TMEM165: variants seen among roughly 807,000 people sequenced by gnomAD.
TMEM165 encodes transmembrane protein 165.
In TMEM165, 19 loss-of-function variants were observed where a neutral mutation model predicts 30.0. The ratio of observed to expected loss-of-function variants is 0.63; its 90% CI spans 0.44 to 0.93. TMEM165 has a LOEUF of 0.93. Ranked by LOEUF, TMEM165 falls within the 40% of genes least tolerant of loss-of-function variation. The pLI, the probability that TMEM165 is intolerant of heterozygous loss-of-function variation, is 0.00. For synonymous variants in TMEM165, 168 were observed against 162.9 expected (o/e 1.03, Z -0.24); for missense variants, 340 against 417.0 (o/e 0.82, Z 1.61).
chr4:55,406,877 G>A (rs1721292774), intron 1 of TMEM165, among the ~76,000 whole-genome samples: 1 of 152,102 alleles, frequency 6.6e-6, no homozygotes, highest in South Asian at 2.1e-4. Context: ...GCCCAGGCTG[G>A]TCTTGAACTC....
chr4:55,445,505 A>G (rs1723735012), intron 3 of TMEM165, among the ~76,000 whole-genome samples: 1 of 151,242 alleles, frequency 6.6e-6, no homozygotes, highest in Admixed American at 6.6e-5. Flanking sequence ...GGAGTCTTCT[A>G]AGTATGTTCC....
At chr4:55,435,308 C>A in intron 3 of TMEM165, 1 of 1,287,962 alleles carries the variant, frequency 7.8e-7, no homozygotes, top group South Asian at 1.2e-5. Flanking sequence ...CTCAATACTG[C>A]ATCTCATGAA....
intron 2 of TMEM165, 190 bp downstream of exon 2, chr4:55,412,029 A>C: frequency 1.6e-6 from 1 of 636,972 alleles, no homozygotes; most frequent in Non-Finnish European, 2.8e-6. Flanking sequence ...CCCCTCTCGC[A>C]TAGTTGTCTG....
intron 3 of TMEM165, chr4:55,450,257 G>A (rs557067405): frequency 8.1e-6 from 13 of 1,613,430 alleles, no homozygotes; most frequent in East Asian, 6.7e-5. Flanking sequence ...TAAAATAAAT[G>A]TTTTCTTGTG....
At position 55,411,719 on chromosome 4, in the gene TMEM165, A is replaced by G; in HGVS notation, c.313A>G (p.Ile105Val). The change falls in exon 2 of 6, where the codon ATT (isoleucine) becomes GTT (valine). Residue 105 changes from isoleucine (I) to valine (V), a missense_variant. Ile to Val is a conservative substitution (Grantham distance 29). This residue lies in a region of TMEM165 where 220 missense variants were observed against 307.6 expected (regional missense o/e 0.72). Transcript: ENST00000381334. Reference sequence around the variant, plus strand: ...ATTTGTCGCTGCCATATCAGTTATTATTGTATCTGAATTGGGTGATAAGAC... The same window carrying G: ...ATTTGTCGCTGCCATATCAGTTATTGTTGTATCTGAATTGGGTGATAAGAC... Reference protein sequence around the residue: ...HAFVAAISVIIVSELGDKTFF... With the variant: ...HAFVAAISVIVVSELGDKTFF... The G allele has an allele frequency of 6.2e-7, 1 of 1,614,142 alleles. No homozygotes were observed. Among genetic ancestry groups the G allele is most frequent in the South Asian group, 1.1e-5 (1 of 91,082 alleles).
intron 4 of TMEM165, among the ~76,000 whole-genome samples, chr4:55,418,799 C>G (rs1721846035): frequency 6.6e-6 from 1 of 152,080 alleles, no homozygotes; most frequent in Admixed American, 6.5e-5. Context: ...GTAATCCCAG[C>G]ACTTTAGGAG....
downstream of TMEM165, chr4:55,430,575 T>C (rs1489760299): frequency 6.6e-6 from 1 of 152,206 alleles, no homozygotes; most frequent in African/African-American, 2.4e-5. Context: ...ATTATACTAT[T>C]TTTTTCCTTT....
intron 3 of TMEM165, among the ~76,000 whole-genome samples, chr4:55,446,100 T>A (rs1224960732): frequency 5.2e-5 from 5 of 95,264 alleles, no homozygotes; most frequent in Non-Finnish European, 1.0e-4. Context: ...AAATTTAACT[T>A]CTTTTTTTTT....
At chr4:55,397,777 C>T (rs1474461735) in intron 1 of TMEM165, among the ~76,000 whole-genome samples, 1 of 151,738 alleles carries the variant, frequency 6.6e-6, no homozygotes, top group Non-Finnish European at 1.5e-5. Flanking sequence ...GACAGGGTCT[C>T]GCTCTGTCGC....
rs2109705809 is a variant in TMEM165 at position 55,445,271 on chromosome 4, C to G, written c.409-6968C>G. Among the ~76,000 whole-genome samples the G allele has an allele frequency of 2.9e-5, 2 of 68,182 alleles. 1 individual carries two copies. The highest frequency in any genetic ancestry group is 1.3e-3 in the South Asian group (2 of 1,504). The allele number at this position is 68,182 out of a possible 152,430, so 44.7% of individuals were successfully genotyped here. ...GAAGGACATTTCTCACTTTTACATA[C>G]ACCTGCCCCGGCAGGTGGCTTTCCA... On this transcript the variant is annotated intron_variant, in intron 3 of 3. Coordinates refer to the TMEM165 transcript ENST00000608091.
At chr4:55,437,798 T>C (rs930034427) in intron 3 of TMEM165, among the ~76,000 whole-genome samples, 11 of 152,214 alleles carry the variant, frequency 7.2e-5, no homozygotes, top group African/African-American at 2.4e-4. Context: ...ACTTAGCTCA[T>C]AGATATACTA....
intron 1 of TMEM165, among the ~76,000 whole-genome samples, chr4:55,403,972 G>A (rs1046449937): frequency 7.7e-6 from 1 of 130,266 alleles, no homozygotes; most frequent in Non-Finnish European, 1.7e-5. Context: ...AAAGAAAAAG[G>A]TCATTCATTT....
rs986717132 is a variant in TMEM165 at position 55,411,701 on chromosome 4, G to A, written c.295G>A (p.Ala99Thr). The change falls in exon 2 of 6, where the codon GCT (alanine) becomes ACT (threonine). Residue 99 changes from alanine to threonine, a missense_variant. Coordinates refer to ENST00000381334, the MANE Select transcript of TMEM165 (RefSeq NM_018475.5). The part of the protein sequence containing the change: ...TNLGFIHAFV[A>T]AISVIIVSEL... ...TTTGGGATTTATCCATGCATTTGTC[G>A]CTGCCATATCAGTTATTATTGTATC... 16 of 1,613,826 alleles carry A rather than the reference G, an allele frequency of 9.9e-6. No individual in the cohort carries two copies. Among genetic ancestry groups the A allele is most frequent in the East Asian group, 2.2e-5 (1 of 44,900 alleles).
chr4:55,402,458 T>A (rs1265275103), intron 1 of TMEM165, among the ~76,000 whole-genome samples: 1 of 81,674 alleles, frequency 1.2e-5, no homozygotes, highest in Non-Finnish European at 2.4e-5. Flanking sequence ...TTTTTTTTTT[T>A]TTTTTTTTTG....
chr4:55,414,890 T>C (rs537038739), intron 2 of TMEM165, among the ~76,000 whole-genome samples: 82 of 152,292 alleles, frequency 5.4e-4, no homozygotes, highest in Non-Finnish European at 8.7e-4. Context: ...AGGTGATACT[T>C]TGTCTCTCCA....
At chr4:55,440,441 G>A (rs1353963222) in intron 3 of TMEM165, among the ~76,000 whole-genome samples, 1 of 151,990 alleles carries the variant, frequency 6.6e-6, no homozygotes, top group African/African-American at 2.4e-5. Context: ...TTATAACATT[G>A]GTCATTACAG....
At chr4:55,396,737 G>C (rs986127713) in intron 1 of TMEM165, among the ~76,000 whole-genome samples, 32 of 152,180 alleles carry the variant, frequency 2.1e-4, no homozygotes, top group African/African-American at 7.7e-4. Flanking sequence ...TTAACAGAAG[G>C]CTGCTAGGAG....
chr4:55,445,375 A>G (rs1009336929), intron 3 of TMEM165, among the ~76,000 whole-genome samples: 2 of 151,728 alleles, frequency 1.3e-5, no homozygotes, highest in Non-Finnish European at 2.9e-5. Context: ...CCAGCTCTCT[A>G]CCTCTAATCT....
chr4:55,432,679 C>T (rs759810491), intron 3 of TMEM165: 2 of 151,896 alleles, frequency 1.3e-5, no homozygotes, highest in Admixed American at 1.3e-4. Context: ...AGGAGGAAAA[C>T]AAAGCAGCAA....
Sources: gnomAD v4.1 joint callset for allele counts (sites outside exome capture counted in the v4.1 genomes callset) on GRCh38, gnomAD v4.1.1 for gene constraint, gnomAD v4.1.1 regional missense constraint, MANE v1.5 for transcripts, NCBI Gene and HGNC (gene_info 2026-07-23, HGNC 2026-07-21) for gene names.